Variants in XRN1 observed in about 807,000 individuals in gnomAD.
XRN1 encodes 5'-3' exoribonuclease 1.
In XRN1, 67 loss-of-function variants were observed where a neutral mutation model predicts 222.3. The ratio of observed to expected loss-of-function variants is 0.30; its 90% CI spans 0.25 to 0.37. XRN1 has a LOEUF of 0.37. Among genes scored for constraint, XRN1 ranks in the 10% least tolerant of loss-of-function variants. XRN1 has a pLI of 1.00. For synonymous variants in XRN1, 643 were observed against 652.4 expected (o/e 0.99, Z 0.22); for missense variants, 1,707 against 2,000.2 (o/e 0.85, Z 2.80).
In XRN1 at chr3:142,447,970, C is replaced by T; in HGVS notation, c.-26G>A. On this transcript the variant is annotated 5_prime_UTR_variant, in exon 1 of 41. Coordinates refer to ENST00000392981, the MANE Select transcript of XRN1 (RefSeq NM_001282857.2). This position sits in a 1 kb window ranked among gnomAD's most constrained non-coding sequence, Gnocchi z 4.2. ...TTCGATCGTCAACACTAATCCCAGTCAGGGCCAAACCGAAACCAAACGCCC... is the reference window on the plus strand; with the variant it reads ...TTCGATCGTCAACACTAATCCCAGTTAGGGCCAAACCGAAACCAAACGCCC... The T allele has an allele frequency of 1.9e-6, 3 of 1,611,538 alleles. No individual in the cohort carries two copies. Among genetic ancestry groups the T allele is most frequent in the Non-Finnish European group, 2.5e-6 (3 of 1,178,972 alleles).
At chr3:142,319,907 T>TACACAC (rs113013809) in intron 37 of XRN1, among the ~76,000 whole-genome samples, 30 of 148,904 alleles carry the variant, frequency 2.0e-4, no homozygotes, top group Middle Eastern at 3.4e-3. Flanking sequence ...GGTGTGTGTA[T>TACACAC]ACACACACAC....
intron 3 of XRN1, 98 bp downstream of exon 3, chr3:142,426,646 G>T: frequency 8.4e-7 from 1 of 1,194,404 alleles, no homozygotes; most frequent in Non-Finnish European, 1.2e-6. Context: ...GAACCCTAAG[G>T]CCAAAATAAA....
chr3:142,359,081 G>A (rs777322595), intron 30 of XRN1, among the ~76,000 whole-genome samples: 11 of 152,028 alleles, frequency 7.2e-5, no homozygotes, highest in South Asian at 4.2e-4. Flanking sequence ...GAAATACAAC[G>A]TTTAACTGCA....
In XRN1 at chr3:142,347,362, T is replaced by C; in HGVS notation, c.3769-20A>G. On this transcript the variant is annotated intron_variant, in intron 32 of 40. Transcript: ENST00000392981. ...TGCACCCTGAAAATTAAAATTCTTA[T>C]AAATTAAACAAAATCTTAATATTAT... The C allele has an allele frequency of 6.9e-7, 1 of 1,452,734 alleles. No individual in the cohort carries two copies. Among genetic ancestry groups the C allele is most frequent in the Non-Finnish European group, 9.3e-7 (1 of 1,074,804 alleles). The allele number at this position is 1,452,734 out of a possible 1,614,324, so 90.0% of individuals were successfully genotyped here. A position where few individuals can be genotyped will look rare whatever the true frequency, so the allele number is the denominator to read the frequency against.
At chr3:142,336,605 T>C (rs1200035541) in intron 33 of XRN1, among the ~76,000 whole-genome samples, 2 of 133,592 alleles carry the variant, frequency 1.5e-5, no homozygotes, top group African/African-American at 2.8e-5. Context: ...AGAGAAGGAA[T>C]AGAGAGAGAG....
At chr3:142,332,869 C>T (rs1449540382) in intron 35 of XRN1, 98 bp downstream of exon 35, 1 of 1,490,132 alleles carries the variant, frequency 6.7e-7, no homozygotes, top group Non-Finnish European at 9.0e-7. Context: ...ACATACCAGC[C>T]TCCATGATGG....
In XRN1 at chr3:142,347,308, T is replaced by C. The variant is rs2066172892; in HGVS notation, c.3803A>G (p.Asn1268Ser). Residue 1268 changes from asparagine to serine, a missense_variant, in exon 33 of 41, where the codon AAT becomes AGT. Asn to Ser is a conservative substitution (Grantham distance 46, BLOSUM62 1). Around this residue, in one of 2 missense-constraint regions of XRN1, gnomAD observed 1,234 missense variants for 1,518.2 expected, o/e 0.81. Coordinates refer to ENST00000392981, the MANE Select transcript of XRN1 (RefSeq NM_001282857.2). Reference sequence around the variant, plus strand: ...ATTAAAGCCAGATTTATGATGTTGATTTACTTGGCTTATTTCTTGAGGTAG... The same window carrying C: ...ATTAAAGCCAGATTTATGATGTTGACTTACTTGGCTTATTTCTTGAGGTAG... ...AVLPQEISQV[N>S]QHHKSGFNDN... is the part of the protein sequence containing the mutation. 6.2e-7 allele frequency: 1 copy of C among 1,606,654 alleles called. No homozygotes were observed. The highest frequency in any genetic ancestry group is 8.5e-7 in the Non-Finnish European group (1 of 1,176,564).
intron 23 of XRN1, among the ~76,000 whole-genome samples, chr3:142,378,868 A>C (rs962886147): frequency 6.6e-6 from 1 of 152,184 alleles, no homozygotes; most frequent in African/African-American, 2.4e-5. Flanking sequence ...TGCTAAAAAG[A>C]TTTCAGAAAA....
In XRN1 at chr3:142,426,227, G is replaced by A. The variant is rs185100247; in HGVS notation, c.406+517C>T. On this transcript the variant is annotated intron_variant, in intron 3 of 40. Transcript: ENST00000392981. Reference sequence around the variant, plus strand: ...TATATGATGTTAGACAAAGGTTGTAGAAGTATATAGAGTATGCTGCTGCAT... The same window carrying A: ...TATATGATGTTAGACAAAGGTTGTAAAAGTATATAGAGTATGCTGCTGCAT... 9.2e-5 allele frequency among the ~76,000 whole-genome samples: 14 copies of A among 152,274 alleles called. No homozygotes were observed. In the East Asian group the frequency reaches 1.9e-3, roughly 21 times the overall value.
intron 32 of XRN1, among the ~76,000 whole-genome samples, chr3:142,351,745 T>C (rs1379714806): frequency 6.6e-6 from 1 of 152,072 alleles, no homozygotes; most frequent in East Asian, 1.9e-4. Context: ...TAAGTATTAC[T>C]AATCTATATC....
At chr3:142,400,028 T>C (rs1205008434) in intron 19 of XRN1, among the ~76,000 whole-genome samples, 1 of 152,180 alleles carries the variant, frequency 6.6e-6, no homozygotes, top group Non-Finnish European at 1.5e-5. Context: ...AATGTTAAGA[T>C]ATTTTTCTTA....
At chr3:142,431,820 A>C (rs1249300848) in intron 2 of XRN1, among the ~76,000 whole-genome samples, 31 of 119,088 alleles carry the variant, frequency 2.6e-4, no homozygotes, top group Non-Finnish European at 4.5e-4. Flanking sequence ...TCCATCTCAA[A>C]AAAAAAATTA....
At chr3:142,313,374 A>G (rs2065126354) in intron 39 of XRN1, among the ~76,000 whole-genome samples, 1 of 152,168 alleles carries the variant, frequency 6.6e-6, no homozygotes, top group East Asian at 1.9e-4. Context: ...TGAAATACAG[A>G]TTCCTGGACA....
intron 36 of XRN1, 130 bp from the exon 37 acceptor site, chr3:142,329,745 C>T (rs1034698619): frequency 2.6e-5 from 20 of 784,208 alleles, no homozygotes; most frequent in Middle Eastern, 4.0e-4. Context: ...TCAAGGCCAC[C>T]CATTATTAAA....
At chr3:142,411,586 C>T (rs1183057144) in intron 15 of XRN1, among the ~76,000 whole-genome samples, 1 of 152,008 alleles carries the variant, frequency 6.6e-6, no homozygotes, top group African/African-American at 2.4e-5. Flanking sequence ...GTTGGGATTA[C>T]AGCATGTGTG....
chr3:142,318,420 A>C (rs537593677), intron 39 of XRN1, among the ~76,000 whole-genome samples, 172 bp downstream of exon 39: 6 of 152,332 alleles, frequency 3.9e-5, no homozygotes, highest in African/African-American at 1.4e-4. Flanking sequence ...GCCATACTAG[A>C]GGCTGTAGGA....
intron 18 of XRN1, among the ~76,000 whole-genome samples, chr3:142,401,570 T>C (rs2068133130): frequency 1.3e-5 from 2 of 151,046 alleles, no homozygotes; most frequent in African/African-American, 2.4e-5. Context: ...AAAAAAAAAT[T>C]GGCCAAGCGT....
rs1317790687 is a variant in XRN1 at position 142,311,341 on chromosome 3, A to G, written c.*170T>C. 3 of 541,234 alleles carry G rather than the reference A, an allele frequency of 5.5e-6. No individual in the cohort carries two copies. Among genetic ancestry groups the G allele is most frequent in the Non-Finnish European group, 9.2e-6 (3 of 327,210 alleles). The allele number at this position is 541,234 out of a possible 1,614,324, so 33.5% of individuals were successfully genotyped here. A position where few individuals can be genotyped will look rare whatever the true frequency, so the allele number is the denominator to read the frequency against. On this transcript the variant is annotated 3_prime_UTR_variant, in exon 41 of 41. Coordinates refer to ENST00000392981, the MANE Select transcript of XRN1 (RefSeq NM_001282857.2). ...ATACTTAAAGTGCACAATTTGATACACAGTCTTTTAAACAGCATGAAAAGT... is the reference window on the plus strand; with the variant it reads ...ATACTTAAAGTGCACAATTTGATACGCAGTCTTTTAAACAGCATGAAAAGT...
At chr3:142,409,745 C>T (rs1006664048) in intron 15 of XRN1, among the ~76,000 whole-genome samples, 3 of 152,136 alleles carry the variant, frequency 2.0e-5, no homozygotes, top group Non-Finnish European at 4.4e-5. Flanking sequence ...TTGAGGAGGA[C>T]GTACACCTTA....
Sources: gnomAD v4.1 joint callset for allele counts (sites outside exome capture counted in the v4.1 genomes callset) on GRCh38, gnomAD v4.1.1 for gene constraint, gnomAD v4.1.1 regional missense constraint, Gnocchi (gnomAD v3.1) non-coding constraint, MANE v1.5 for transcripts, NCBI Gene and HGNC (gene_info 2026-07-23, HGNC 2026-07-21) for gene names.